Variants in ANKRD6 observed in about 807,000 individuals in gnomAD.
ANKRD6 encodes ankyrin repeat domain-containing protein 6.
In ANKRD6, 56 loss-of-function variants were observed where a neutral mutation model predicts 82.3. The ratio of observed to expected loss-of-function variants is 0.68; its 90% CI spans 0.55 to 0.85. The LOEUF (loss-of-function observed/expected upper bound fraction) is 0.85. Ranked by LOEUF, ANKRD6 falls within the 40% of genes least tolerant of loss-of-function variation. ANKRD6 has a pLI of 0.00. For missense variants in ANKRD6, 852 were observed against 907.6 expected (o/e 0.94, Z 0.79); for synonymous variants, 347 against 352.1 (o/e 0.99, Z 0.16).
intron 1 of ANKRD6, among the ~76,000 whole-genome samples, chr6:89,498,446 C>CTTATATAATTA (rs1306956859): frequency 1.3e-5 from 2 of 152,044 alleles, no homozygotes; most frequent in African/African-American, 4.8e-5. Flanking sequence ...TATATATCTG[C>CTTATATAATTA]TAGGTCTGTA....
intron 14 of ANKRD6, 71 bp from the exon 15 acceptor site, chr6:89,629,038 AATT>A: frequency 6.7e-7 from 1 of 1,491,376 alleles, no homozygotes; most frequent in South Asian, 1.2e-5. Flanking sequence ...TTGATGCTTT[AATT>A]CATAAACCAT....
chr6:89,517,686 T>G (rs953229372), intron 1 of ANKRD6, among the ~76,000 whole-genome samples: 3 of 152,268 alleles, frequency 2.0e-5, no homozygotes, highest in Admixed American at 2.0e-4. Context: ...GTTATGTTTA[T>G]TCTGACCACC....
chr6:89,633,565 G>GT lies in ANKRD6; in HGVS notation c.*2568dup, dbSNP rs892483222. The stretch of plus-strand genomic sequence containing the variant: ...CACAGAAATACTGTACAGTATTAGT[G>GT]TTTTTTTAAAGAAATTGTTAGTGCA... On this transcript the variant is annotated 3_prime_UTR_variant, in exon 16 of 16. Transcript: ENST00000339746. The GT allele has an allele frequency of 3.9e-5, 6 of 152,048 alleles. No homozygotes were observed. The highest frequency in any genetic ancestry group is 7.4e-5 in the Non-Finnish European group (5 of 68,016). The allele number at this position is 152,048 out of a possible 1,614,324, so 9.4% of individuals were successfully genotyped here. A position where few individuals can be genotyped will look rare whatever the true frequency, so the allele number is the denominator to read the frequency against.
At chr6:89,529,285 C>T (rs1164768937) in intron 1 of ANKRD6, among the ~76,000 whole-genome samples, 1 of 152,240 alleles carries the variant, frequency 6.6e-6, no homozygotes, top group Non-Finnish European at 1.5e-5. Context: ...TCTACATCAG[C>T]ACTTGCTGCT....
At position 89,555,958 on chromosome 6, in the gene ANKRD6, C is replaced by T. The variant is rs928556944; in HGVS notation, c.-143-10876C>T. Among the ~76,000 whole-genome samples the T allele has an allele frequency of 3.3e-5, 5 of 152,254 alleles. 1 individual carries two copies. The highest frequency in any genetic ancestry group is 6.8e-3 in the Middle Eastern group (2 of 294). On this transcript the variant is annotated intron_variant, in intron 1 of 15. Transcript: ENST00000339746. ...CAGGGAGAGTAACGTGGCAGAATGG[C>T]TTTTACATGCAAATTCAGCCCATAA... is the stretch of plus-strand genomic sequence containing the variant.
intron 5 of ANKRD6, 31 bp from the exon 6 acceptor site, chr6:89,612,241 T>C (rs778465327): frequency 1.5e-4 from 237 of 1,541,732 alleles, no homozygotes; most frequent in Non-Finnish European, 1.8e-4. Context: ...ATGTTGCTAA[T>C]ATGTCCTCCC....
At chr6:89,511,487 C>CT (rs1780544504) in intron 1 of ANKRD6, among the ~76,000 whole-genome samples, 1 of 152,220 alleles carries the variant, frequency 6.6e-6, no homozygotes, top group South Asian at 2.1e-4. Flanking sequence ...AAGGCATAGT[C>CT]TGTGGGGTCA....
rs777496980 is a variant in ANKRD6, at chr6:89,623,869, C to T, written c.1033-3C>T. On this transcript the variant is annotated splice_polypyrimidine_tract_variant and splice_region_variant and intron_variant, in intron 11 of 15. Coordinates refer to ENST00000339746, the MANE Select transcript of ANKRD6 (RefSeq NM_001242809.2). ...AGGGGTGTTGTCTCTTCCTCTCTTACAGGTGTCAGCATTTTCTGACCCCAC... is the reference window on the plus strand; with the variant it reads ...AGGGGTGTTGTCTCTTCCTCTCTTATAGGTGTCAGCATTTTCTGACCCCAC... The T allele has an allele frequency of 3.1e-6, 5 of 1,611,084 alleles. No individual in the cohort carries two copies. The highest frequency in any genetic ancestry group is 4.2e-6 in the Non-Finnish European group (5 of 1,178,580).
At chr6:89,508,210 T>C (rs1232453078) in intron 1 of ANKRD6, among the ~76,000 whole-genome samples, 1 of 152,220 alleles carries the variant, frequency 6.6e-6, no homozygotes, top group Admixed American at 6.5e-5. Context: ...GCTGGGTGGT[T>C]CTGGCTCAAG....
chr6:89,544,892 A>G (rs1482489496), intron 1 of ANKRD6, among the ~76,000 whole-genome samples: 3 of 151,946 alleles, frequency 2.0e-5, no homozygotes, highest in Non-Finnish European at 4.4e-5. Flanking sequence ...TTTCTAGGCA[A>G]GAAGAGGTTG....
intron 9 of ANKRD6, chr6:89,618,240 ATCT>A: frequency 5.7e-6 from 4 of 696,330 alleles, no homozygotes; most frequent in South Asian, 4.5e-5. Context: ...GGGCCGCCTC[ATCT>A]TCTCCCTGTG....
intron 9 of ANKRD6, 21 bp downstream of exon 9, chr6:89,618,052 C>T (rs749753746): frequency 6.2e-7 from 1 of 1,613,180 alleles, no homozygotes; most frequent in African/African-American, 1.3e-5. Flanking sequence ...CTGCCCTTTC[C>T]ATGGTACTGA....
intron 1 of ANKRD6, among the ~76,000 whole-genome samples, chr6:89,541,454 G>A (rs1337870262): frequency 3.3e-4 from 44 of 135,374 alleles, no homozygotes; most frequent in African/African-American, 9.8e-4. Flanking sequence ...GTGCAGTGGC[G>A]CTATCTCCGC....
At chr6:89,474,106 A>AAAAACAAAAC (rs61656053) in intron 1 of ANKRD6, among the ~76,000 whole-genome samples, 2,789 of 150,548 alleles carry the variant, frequency 0.019, 80 homozygotes, top group African/African-American at 0.061. Flanking sequence ...CCTGTCTCAA[A>AAAAACAAAAC]AAAACAAAAC....
intron 1 of ANKRD6, among the ~76,000 whole-genome samples, chr6:89,491,044 A>G (rs1777954817): frequency 6.6e-6 from 1 of 152,142 alleles, no homozygotes; most frequent in African/African-American, 2.4e-5. Context: ...AGACTGAAAT[A>G]ATGAGGCCAC....
chr6:89,439,055 A>T (rs1027273002), intron 1 of ANKRD6, among the ~76,000 whole-genome samples: 3 of 152,160 alleles, frequency 2.0e-5, no homozygotes, highest in African/African-American at 7.2e-5. Context: ...GAGGGTGTGG[A>T]GAAGACTTCT....
At chr6:89,499,837 G>T (rs976457248) in intron 1 of ANKRD6, among the ~76,000 whole-genome samples, 1 of 152,000 alleles carries the variant, frequency 6.6e-6, no homozygotes, top group Non-Finnish European at 1.5e-5. Flanking sequence ...TTTCAACTCT[G>T]TTATGATGCC....
intron 1 of ANKRD6, among the ~76,000 whole-genome samples, chr6:89,490,743 A>G (rs1169602499): frequency 1.3e-5 from 2 of 151,664 alleles, no homozygotes; most frequent in African/African-American, 4.8e-5. Flanking sequence ...TTGAGAGAAA[A>G]CTCACCTCTG....
intron 6 of ANKRD6, among the ~76,000 whole-genome samples, chr6:89,613,121 C>T (rs1800635664): frequency 6.6e-6 from 1 of 152,148 alleles, no homozygotes; most frequent in Non-Finnish European, 1.5e-5. Flanking sequence ...AGCTTTTTGT[C>T]TCCAGTTCTT....
Sources: allele counts gnomAD v4.1 joint callset (sites outside exome capture counted in the v4.1 genomes callset), GRCh38; gene constraint gnomAD v4.1.1; transcripts MANE v1.5; gene names NCBI Gene and HGNC (gene_info 2026-07-23, HGNC 2026-07-21).